Variants in NRG3 observed in about 807,000 individuals in gnomAD.
NRG3 encodes the protein neuregulin 3.
A neutral mutation model predicts 66.9 loss-of-function variants in NRG3; 31 were observed. The observed-to-expected ratio is 0.46, with a 90% CI of 0.35 to 0.63. The LOEUF is 0.63. Among genes scored for constraint, NRG3 ranks in the 20% least tolerant of loss-of-function variants. The pLI is 0.00. For synonymous variants in NRG3, 393 were observed against 359.4 expected (o/e 1.09, Z -1.06); for missense variants, 910 against 878.9 (o/e 1.04, Z -0.45).
rs147190354 is a variant in NRG3 at position 82,164,933 on chromosome 10, T to C, written c.824-193806T>C. ...TATAGTATTTAGCCTTCTAATCTTT[T>C]TCATGGTTTGATTTAATATTTTTAG... On this transcript the variant is annotated intron_variant, in intron 1 of 8. Transcript: ENST00000372141. Among the ~76,000 whole-genome samples, 177 of 152,236 alleles carry C rather than the reference T, an allele frequency of 1.2e-3. 2 individuals are homozygous for C. Among genetic ancestry groups the C allele is most frequent in the African/African-American group, 4.2e-3 (173 of 41,550 alleles).
intron 4 of NRG3, among the ~76,000 whole-genome samples, chr10:82,893,167 A>G (rs2136135797): frequency 6.6e-6 from 1 of 152,290 alleles, no homozygotes; most frequent in Middle Eastern, 3.4e-3. Flanking sequence ...TACTGTTTCC[A>G]GGAACATATC....
intron 1 of NRG3, among the ~76,000 whole-genome samples, chr10:82,349,144 C>A (rs1203352479): frequency 6.6e-6 from 1 of 151,742 alleles, no homozygotes; most frequent in Non-Finnish European, 1.5e-5. Flanking sequence ...AGGCGCTCTG[C>A]TTTTTAGAGT....
At chr10:82,064,115 G>A (rs1254100815) in intron 1 of NRG3, among the ~76,000 whole-genome samples, 3 of 152,124 alleles carry the variant, frequency 2.0e-5, no homozygotes, top group Admixed American at 6.6e-5. Flanking sequence ...ACATTGACAT[G>A]TTCTGGTTTG....
At chr10:82,634,029 G>A (rs1056496743) in intron 2 of NRG3, among the ~76,000 whole-genome samples, 1 of 152,136 alleles carries the variant, frequency 6.6e-6, no homozygotes, top group African/African-American at 2.4e-5. Flanking sequence ...CAGAACTTGG[G>A]CATATAGAGA....
intron 2 of NRG3, among the ~76,000 whole-genome samples, chr10:82,724,688 A>G (rs372069963): frequency 3.3e-5 from 5 of 152,286 alleles, no homozygotes; most frequent in African/African-American, 9.6e-5. Flanking sequence ...GATGTCTGCA[A>G]ACAGATTCCT....
intron 3 of NRG3, among the ~76,000 whole-genome samples, chr10:82,862,621 C>A (rs1405859944): frequency 6.6e-6 from 1 of 152,140 alleles, no homozygotes; most frequent in Non-Finnish European, 1.5e-5. Context: ...CTTTGAGCAG[C>A]CCACTCTGCC....
intron 2 of NRG3, among the ~76,000 whole-genome samples, chr10:82,538,296 C>T (rs897319072): frequency 2.6e-5 from 4 of 152,160 alleles, no homozygotes; most frequent in African/African-American, 7.2e-5. Flanking sequence ...GTGAACTATT[C>T]ACCTTTACAA....
In NRG3 at chr10:82,024,906, G is replaced by T. The variant is rs1213416998; in HGVS notation, c.823+148743G>T. Among the ~76,000 whole-genome samples, 3 of 152,060 alleles carry T rather than the reference G, an allele frequency of 2.0e-5. No homozygotes were observed. In the East Asian group the frequency reaches 5.8e-4, roughly 29 times the overall value. The stretch of plus-strand genomic sequence containing the variant: ...ATTCCACATCATAATTTATTTGAGA[G>T]GTTAAATTTGTAATTACTGTAATTT... On this transcript the variant is annotated intron_variant, in intron 1 of 8. Coordinates refer to ENST00000372141, the MANE Select transcript of NRG3 (RefSeq NM_001010848.4).
At chr10:82,580,708 CT>C (rs767249287) in intron 2 of NRG3, among the ~76,000 whole-genome samples, 1 of 151,854 alleles carries the variant, frequency 6.6e-6, no homozygotes, top group African/African-American at 2.4e-5. Context: ...GATTCTCTAC[CT>C]TTTTTTCATG....
At chr10:82,958,842 TA>T (rs1564666514) in intron 5 of NRG3, 106 bp from the exon 6 acceptor site, 1 of 1,296,724 alleles carries the variant, frequency 7.7e-7, no homozygotes, top group Non-Finnish European at 1.0e-6. Flanking sequence ...TGAGTTTATT[TA>T]ACTTTAGCAA....
chr10:82,398,491 A>ATGTG lies in NRG3; in HGVS notation c.953+39656_953+39659dup, dbSNP rs1164444421. 2.4e-3 allele frequency among the ~76,000 whole-genome samples: 333 copies of ATGTG among 139,196 alleles called. 7 individuals carry two copies. Among genetic ancestry groups the ATGTG allele is most frequent in the South Asian group, 4.8e-3 (19 of 3,992 alleles). The allele number at this position is 139,196 out of a possible 152,430, so 91.3% of individuals were successfully genotyped here. ...TCTTCTAGTCATCTTGGCTTCGTGTATGTGTGTGTGTGTGTGTGTGTGTGT... is the reference window on the plus strand; with the variant it reads ...TCTTCTAGTCATCTTGGCTTCGTGTATGTGTGTGTGTGTGTGTGTGTGTGTGTGT... On this transcript the variant is annotated intron_variant, in intron 2 of 8. Coordinates refer to ENST00000372141, the MANE Select transcript of NRG3 (RefSeq NM_001010848.4).
chr10:82,568,204 A>G (rs61864250), intron 2 of NRG3, among the ~76,000 whole-genome samples: 1,961 of 151,950 alleles, frequency 0.013, 19 homozygotes, highest in Non-Finnish European at 0.021. Flanking sequence ...GATAAGGAAT[A>G]AAGAGGCAAA....
At chr10:82,728,706 A>G (rs1403465503) in intron 2 of NRG3, among the ~76,000 whole-genome samples, 2 of 152,210 alleles carry the variant, frequency 1.3e-5, no homozygotes, top group Non-Finnish European at 2.9e-5. Flanking sequence ...GGAATCTCCC[A>G]ATGGTTGTCC....
chr10:82,827,043 A>G (rs2062249897), intron 3 of NRG3: 2 of 265,082 alleles, frequency 7.5e-6, no homozygotes, highest in South Asian at 3.5e-5. Flanking sequence ...GTAAATTCCC[A>G]TAGATATGCC....
At chr10:82,352,099 T>A (rs2083470472) in intron 1 of NRG3, among the ~76,000 whole-genome samples, 1 of 152,210 alleles carries the variant, frequency 6.6e-6, no homozygotes, top group African/African-American at 2.4e-5. Flanking sequence ...TAATTTAGGG[T>A]TAGTGTGAGG....
intron 1 of NRG3, among the ~76,000 whole-genome samples, chr10:82,121,545 G>A (rs990126260): frequency 9.9e-5 from 15 of 152,086 alleles, no homozygotes; most frequent in African/African-American, 3.6e-4. Context: ...GTGTCCTCTG[G>A]TGCTACTAGA....
intron 1 of NRG3, among the ~76,000 whole-genome samples, chr10:81,896,720 AG>A (rs1843561727): frequency 6.6e-6 from 1 of 151,616 alleles, no homozygotes; most frequent in Non-Finnish European, 1.5e-5. Flanking sequence ...TTATGGCTTA[AG>A]GGGGAATGAA....
intron 2 of NRG3, among the ~76,000 whole-genome samples, chr10:82,570,417 G>T (rs1276177046): frequency 6.6e-6 from 1 of 151,440 alleles, no homozygotes; most frequent in Non-Finnish European, 1.5e-5. Flanking sequence ...TTTCTCATTG[G>T]AGACTTTGAG....
intron 2 of NRG3, among the ~76,000 whole-genome samples, chr10:82,507,108 T>C (rs1844751244): frequency 6.6e-6 from 1 of 152,182 alleles, no homozygotes. Context: ...GAAAGAGCAA[T>C]GTGCTGTCAT....
Sources: allele counts gnomAD v4.1 joint callset (sites outside exome capture counted in the v4.1 genomes callset), GRCh38; gene constraint gnomAD v4.1.1; transcripts MANE v1.5; gene names NCBI Gene and HGNC (gene_info 2026-07-23, HGNC 2026-07-21).